Variants in MBD1 observed in about 807,000 individuals in gnomAD.
MBD1 encodes the protein methyl-CpG binding domain protein 1.
Under a neutral mutation model 82.6 loss-of-function variants are expected in MBD1, and 25 were observed. The observed-to-expected ratio is 0.30, with a 90% confidence interval of 0.22 to 0.42. The LOEUF (loss-of-function observed/expected upper bound fraction) is 0.42. Among genes scored for constraint, MBD1 ranks in the 10% least tolerant of loss-of-function variants. MBD1 has a pLI of 1.00. For synonymous variants in MBD1, 301 were observed against 303.7 expected, an observed-to-expected ratio of 0.99 and a Z score of 0.09; for missense variants, 627 against 819.6, an observed-to-expected ratio of 0.76 and a Z score of 2.87.
At chr18:50,281,152 C>T (rs1458977487) in intron 1 of MBD1, 5 of 1,533,328 alleles carry the variant, frequency 3.3e-6, no homozygotes, top group Admixed American at 2.0e-5. Flanking sequence ...CCCAGGATCC[C>T]GACACTCCTA....
In MBD1 at chr18:50,270,992, ATAT is replaced by A. The variant is rs999027910; in HGVS notation, c.*32+474_*32+476del. On this transcript the variant is annotated intron_variant, in intron 16 of 16. Coordinates refer to ENST00000269468, the MANE Select transcript of MBD1 (RefSeq NM_015846.4). ...GGACAAAATCAATGTCTTCCCAAAAATATTATTTTAAGGATTAAATAAACTGGG... is the reference window on the plus strand; with the variant it reads ...GGACAAAATCAATGTCTTCCCAAAAATATTTTAAGGATTAAATAAACTGGG... 1.5e-4 allele frequency: 148 copies of A among 977,820 alleles called. No individual in the cohort carries two copies. The African/African-American group carries it at 2.4e-3, about 16-fold the overall frequency. The allele number at this position is 977,820 out of a possible 1,614,324, so 60.6% of individuals were successfully genotyped here.
At chr18:50,271,648 T>A in intron 15 of MBD1, 108 bp from the exon 16 acceptor site, 1 of 1,161,848 alleles carries the variant, frequency 8.6e-7, no homozygotes, top group Non-Finnish European at 1.3e-6. Flanking sequence ...CACTTCCCCT[T>A]AATTATCCTT....
Position 50,271,497 on chromosome 18 carries a change from C to T in MBD1, c.*4G>A. The T allele has an allele frequency of 6.2e-7, 1 of 1,614,158 alleles. No individual in the cohort carries two copies. The highest frequency in any genetic ancestry group is 8.5e-7 in the Non-Finnish European group (1 of 1,180,022). On this transcript the variant is annotated 3_prime_UTR_variant, in exon 16 of 17. Coordinates refer to ENST00000269468, the MANE Select transcript of MBD1 (RefSeq NM_015846.4). ...GAATCCTACAGTCTGTAGAAGCCTC[C>T]AGTCTACTGCTTTCTAGCTCCAGGT...
chr18:50,275,332 A>C, intron 8 of MBD1, 87 bp from the exon 9 acceptor site: 1 of 1,612,300 alleles, frequency 6.2e-7, no homozygotes, highest in Non-Finnish European at 8.5e-7. Context: ...GAAAGCATGC[A>C]TGGGACAGGC....
rs1420778036 is a variant in MBD1 at position 50,269,644 on chromosome 18, A to G, written c.*207T>C. 1 of 743,734 alleles carries G rather than the reference A, an allele frequency of 1.3e-6. No individual in the cohort carries two copies. Among genetic ancestry groups the G allele is most frequent in the Admixed American group, 1.9e-5 (1 of 53,518 alleles). 46.1% of individuals were successfully genotyped at this position (743,734 alleles called of 1,614,324 possible). ...AGATGCATATTTAACTCTGTGAGGA[A>G]GGGCACCAGCTTCTTCTGCAGGACA... On this transcript the variant is annotated 3_prime_UTR_variant, in exon 17 of 17. Coordinates refer to ENST00000269468, the MANE Select transcript of MBD1 (RefSeq NM_015846.4).
intron 16 of MBD1, chr18:50,270,965 A>G: frequency 1.1e-6 from 1 of 890,836 alleles, no homozygotes; most frequent in Non-Finnish European, 1.4e-6. Context: ...ATCCACATAA[A>G]TGGACAAAAT....
Position 50,273,623 on chromosome 18 carries a change from C to T in MBD1, c.1387G>A (p.Ala463Thr), listed in dbSNP as rs763959325. The T allele has an allele frequency of 1.2e-5, 20 of 1,613,462 alleles. No individual in the cohort carries two copies. The highest frequency in any genetic ancestry group is 8.9e-5 in the East Asian group (4 of 44,886). ...CCCGGCACCTGCACAGGACTGCTTGCGCCTTCCCGTAAAAACACAAGGTCA... is the reference window on the plus strand; with the variant it reads ...CCCGGCACCTGCACAGGACTGCTTGTGCCTTCCCGTAAAAACACAAGGTCA... ...GTDLVFLREGASSPVQVPGPV... is the reference protein window; with the variant it reads ...GTDLVFLREGTSSPVQVPGPV... Residue 463 changes from alanine (A) to threonine (T), a missense_variant, in exon 12 of 17, where the codon GCA becomes ACA. Transcript: ENST00000269468.
At chr18:50,275,435 G>T in intron 8 of MBD1, 165 bp downstream of exon 8, 1 of 1,601,368 alleles carries the variant, frequency 6.2e-7, no homozygotes, top group Admixed American at 1.7e-5. Context: ...CGCAGGCGGT[G>T]AGCAAGGTGC....
intron 2 of MBD1, among the ~76,000 whole-genome samples, chr18:50,277,453 C>T (rs1436225383): frequency 6.6e-6 from 1 of 151,630 alleles, no homozygotes; most frequent in East Asian, 1.9e-4. Flanking sequence ...ACTAGTAATA[C>T]TGGAACTATT....
intron 8 of MBD1, 96 bp downstream of exon 8, chr18:50,275,504 G>T: frequency 6.2e-7 from 1 of 1,605,670 alleles, no homozygotes; most frequent in African/African-American, 1.3e-5. Flanking sequence ...AGGCAGAAAA[G>T]AAAGACATGA....
In MBD1 at chr18:50,277,134, G is replaced by C; in HGVS notation, c.181C>G (p.Leu61Val). Reference sequence around the variant, plus strand: ...AAGATGCCTTGTTTGAAGTCGAAGAGGGTGAGATCACACGCAGGGCCCAGG... The same window carrying C: ...AAGATGCCTTGTTTGAAGTCGAAGACGGTGAGATCACACGCAGGGCCCAGG... ...RYLGPACDLT[L>V]FDFKQGILCY... The change falls in exon 3 of 17, where the codon CTC becomes GTC. Residue 61 changes from leucine to valine, a missense_variant. Transcript: ENST00000269468. The C allele has an allele frequency of 1.2e-6, 2 of 1,614,240 alleles. No homozygotes were observed. Among genetic ancestry groups the C allele is most frequent in the South Asian group, 1.1e-5 (1 of 91,080 alleles).
At chr18:50,270,532 A>G (rs1222501151) in intron 16 of MBD1, 10 of 347,556 alleles carry the variant, frequency 2.9e-5, no homozygotes, top group Non-Finnish European at 4.6e-5. Context: ...AAGATGAGCC[A>G]GGCTGGCAGC....
rs1359239944 is a variant in MBD1, at chr18:50,275,154, G to A, written c.884C>T (p.Ser295Leu). 2.5e-6 allele frequency: 4 copies of A among 1,614,160 alleles called. No individual in the cohort carries two copies. The highest frequency in any genetic ancestry group is 3.4e-6 in the Non-Finnish European group (4 of 1,180,008). Residue 295 changes from serine to leucine, a missense_variant, in exon 9 of 17, where the codon TCA becomes TTA. Around this residue, in one of 6 missense-constraint regions of MBD1, gnomAD observed 228 missense variants for 318.1 expected, o/e 0.72. Coordinates refer to ENST00000269468, the MANE Select transcript of MBD1 (RefSeq NM_015846.4). ...GAQPLPPPPP[S>L]QSPEPTEPHP... is the part of the protein sequence containing the mutation. ...CGGCTCTGTGGGCTCTGGGGACTGT[G>A]ATGGGGGTGGTGGAGGCAGTGGCTG...
chr18:50,275,036 C>G lies in MBD1; in HGVS notation c.919G>C (p.Ala307Pro), dbSNP rs1196644177. The change falls in exon 10 of 17, where the codon GCC becomes CCC. Residue 307 changes from alanine (A) to proline (P), a missense_variant. This residue lies in a region of MBD1 where 228 missense variants were observed against 318.1 expected (regional missense o/e 0.72). Coordinates refer to ENST00000269468, the MANE Select transcript of MBD1 (RefSeq NM_015846.4). The stretch of plus-strand genomic sequence containing the variant: ...TCGGCAGGTGGCGAGGGGGCCAGGG[C>G]TCTGGGGTGCTGTAGAGGCAAATGG... ...SPEPTEPHPR[A>P]LAPSPPAEFI... is the part of the protein sequence containing the mutation. 6.2e-7 allele frequency: 1 copy of G among 1,613,938 alleles called. No homozygotes were observed. The highest frequency in any genetic ancestry group is 8.5e-7 in the Non-Finnish European group (1 of 1,179,998).
chr18:50,277,121 T>C lies in MBD1; in HGVS notation c.194A>G (p.Lys65Arg). The C allele has an allele frequency of 6.2e-7, 1 of 1,614,254 alleles. No individual in the cohort carries two copies. The highest frequency in any genetic ancestry group is 1.1e-5 in the South Asian group (1 of 91,088). The change falls in exon 3 of 17, where the codon AAA becomes AGA. Residue 65 changes from lysine to arginine, a missense_variant. By Grantham distance (26) the Lys-to-Arg change is conservative. Around this residue, in one of 6 missense-constraint regions of MBD1, gnomAD observed 42 missense variants for 90.4 expected, o/e 0.46. Coordinates refer to ENST00000269468, the MANE Select transcript of MBD1 (RefSeq NM_015846.4). ...PACDLTLFDF[K>R]QGILCYPAPK... ...GGCTGGATAGCACAAGATGCCTTGT[T>C]TGAAGTCGAAGAGGGTGAGATCACA...
chr18:50,275,475 G>A (rs1169096171), intron 8 of MBD1, 125 bp downstream of exon 8: 1 of 1,594,354 alleles, frequency 6.3e-7, no homozygotes, highest in Non-Finnish European at 8.6e-7. Context: ...GGCGGGGCCA[G>A]AAAGGCGAGC....
chr18:50,270,527 G>A (rs1008935750), intron 16 of MBD1: 4 of 346,728 alleles, frequency 1.2e-5, no homozygotes, highest in Non-Finnish European at 2.3e-5. Flanking sequence ...CAGGAAAGAT[G>A]AGCCAGGCTG....
At chr18:50,279,598 G>A (rs1036146478) in intron 2 of MBD1, 4 of 397,584 alleles carry the variant, frequency 1.0e-5, no homozygotes, top group Non-Finnish European at 1.9e-5. Context: ...CAGTATTAAA[G>A]CTGAAAAGGG....
At position 50,280,918 on chromosome 18, in the gene MBD1, T is replaced by C. The variant is rs570965949; in HGVS notation, c.-26+445A>G. 2.9e-4 allele frequency among the ~76,000 whole-genome samples: 44 copies of C among 152,150 alleles called. 1 individual carries two copies. The South Asian group carries it at 4.6e-3, about 16-fold the overall frequency. On this transcript the variant is annotated intron_variant, in intron 1 of 16. Transcript: ENST00000269468. The stretch of plus-strand genomic sequence containing the variant: ...CTGTTCTTGTCCCGGGATCATGCCA[T>C]CCCTAACTGTCACCATTCTGATCCC...
Sources: allele counts gnomAD v4.1 joint callset (sites outside exome capture counted in the v4.1 genomes callset), GRCh38; gene constraint gnomAD v4.1.1; regional missense constraint gnomAD v4.1.1; transcripts MANE v1.5; gene names NCBI Gene and HGNC (gene_info 2026-07-23, HGNC 2026-07-21).